The following CLIP1 variants were observed in gnomAD, a reference collection of about 807,000 sequenced individuals.
The protein encoded by CLIP1 is CAP-Gly domain-containing linker protein 1.
Under a neutral mutation model 161.6 loss-of-function variants are expected in CLIP1, and 66 were observed. That is an observed-to-expected ratio of 0.41 (90% CI 0.33 to 0.50). CLIP1 has a LOEUF of 0.50. Ranked by LOEUF, CLIP1 falls within the 20% of genes least tolerant of loss-of-function variation. The pLI, the probability that CLIP1 is intolerant of heterozygous loss-of-function variation, is 0.27. For synonymous variants in CLIP1, 598 were observed against 626.2 expected (o/e 0.96, Z 0.67); for missense variants, 1,376 against 1,702.0 (o/e 0.81, Z 3.37).
chr12:122,310,902 T>C (rs1951039302), intron 19 of CLIP1, among the ~76,000 whole-genome samples: 1 of 152,180 alleles, frequency 6.6e-6, no homozygotes, highest in Non-Finnish European at 1.5e-5. Context: ...AATTTTTAAT[T>C]CTCCATCCAC....
chr12:122,282,284 T>C (rs749770173), intron 21 of CLIP1, among the ~76,000 whole-genome samples: 10 of 152,138 alleles, frequency 6.6e-5, no homozygotes, highest in African/African-American at 1.4e-4. Flanking sequence ...CATTAAACCA[T>C]TGTCTATGCC....
chr12:122,352,574 C>T (rs561052743), intron 8 of CLIP1, 152 bp downstream of exon 8: 7 of 666,428 alleles, frequency 1.1e-5, no homozygotes, highest in East Asian at 5.4e-5. Context: ...GCTCAAGTAC[C>T]GGCACCGTCA....
At chr12:122,331,765 C>T (rs1007195233) in intron 15 of CLIP1, among the ~76,000 whole-genome samples, 1 of 151,634 alleles carries the variant, frequency 6.6e-6, no homozygotes. Flanking sequence ...GCGGCCAAGG[C>T]GGCCAGATCG....
chr12:122,386,552 C>G (rs1206590117), intron 1 of CLIP1, among the ~76,000 whole-genome samples: 1 of 152,092 alleles, frequency 6.6e-6, no homozygotes, highest in Non-Finnish European at 1.5e-5. Context: ...AAATTCTATG[C>G]TCAGATTACA....
chr12:122,275,077 C>A (rs1955352026), intron 24 of CLIP1: 1 of 151,930 alleles, frequency 6.6e-6, no homozygotes, highest in African/African-American at 2.4e-5. Context: ...GACTCAAACT[C>A]CTGACCTCGT....
intron 1 of CLIP1, among the ~76,000 whole-genome samples, chr12:122,381,925 A>T (rs1955026942): frequency 6.6e-6 from 1 of 152,216 alleles, no homozygotes; most frequent in African/African-American, 2.4e-5. Context: ...AATGAAAAGC[A>T]TCCCTATAAG....
intron 1 of CLIP1, among the ~76,000 whole-genome samples, chr12:122,388,072 C>T (rs1276617912): frequency 2.6e-5 from 4 of 152,138 alleles, no homozygotes; most frequent in Non-Finnish European, 5.9e-5. Context: ...GTCAACTATA[C>T]ATAAAACATG....
intron 15 of CLIP1, among the ~76,000 whole-genome samples, chr12:122,329,455 C>G (rs968346121): frequency 6.6e-6 from 1 of 151,762 alleles, no homozygotes; most frequent in Non-Finnish European, 1.5e-5. Context: ...ACAGTGAAAC[C>G]CTCTCTCTAA....
At chr12:122,370,086 C>T (rs1954363788) in intron 3 of CLIP1, among the ~76,000 whole-genome samples, 1 of 151,448 alleles carries the variant, frequency 6.6e-6, no homozygotes, top group Non-Finnish European at 1.5e-5. Flanking sequence ...TTGCTTGAGC[C>T]CTGTAGGCAG....
intron 3 of CLIP1, among the ~76,000 whole-genome samples, chr12:122,368,527 G>A (rs1459791596): frequency 1.3e-5 from 2 of 152,128 alleles, no homozygotes; most frequent in Non-Finnish European, 2.9e-5. Context: ...GTGCCTGAGT[G>A]CATAAAGCTA....
intron 21 of CLIP1, among the ~76,000 whole-genome samples, chr12:122,283,444 TTTTC>T (rs1316528932): frequency 2.6e-4 from 40 of 151,648 alleles, no homozygotes; most frequent in African/African-American, 4.4e-4. Flanking sequence ...ATTCCTTTCT[TTTTC>T]TTTCTTTCTT....
At chr12:122,387,586 ATATATTTTTTTTTT>A (rs1955376404) in intron 1 of CLIP1, among the ~76,000 whole-genome samples, 1 of 3,548 alleles carries the variant, frequency 2.8e-4, no homozygotes, top group African/African-American at 5.5e-4. Flanking sequence ...ATATATATAT[ATATATTTTTTTTTT>A]TTTTTTTTTT....
At chr12:122,334,570 G>T in intron 13 of CLIP1, 78 bp downstream of exon 13, 1 of 950,854 alleles carries the variant, frequency 1.1e-6, no homozygotes, top group Middle Eastern at 2.1e-4. Context: ...GTGTAACTCT[G>T]TGCACTCCAC....
intron 1 of CLIP1, among the ~76,000 whole-genome samples, chr12:122,421,172 T>C (rs1024270845): frequency 6.6e-6 from 1 of 150,796 alleles, no homozygotes; most frequent in African/African-American, 2.4e-5. Flanking sequence ...GCTCACTGGG[T>C]TAGGGTTGAT....
At chr12:122,422,317 A>G (rs1956978454) in intron 1 of CLIP1, among the ~76,000 whole-genome samples, 1 of 151,126 alleles carries the variant, frequency 6.6e-6, no homozygotes, top group Non-Finnish European at 1.5e-5. Context: ...GGAGCCCCCC[A>G]GGGACCCCCG....
chr12:122,328,594 TGTTTTG>T (rs977744115), intron 15 of CLIP1, among the ~76,000 whole-genome samples, 168 bp from the exon 16 acceptor site: 39 of 150,194 alleles, frequency 2.6e-4, no homozygotes, highest in East Asian at 7.8e-4. Context: ...TGTTTTGTTT[TGTTTTG>T]GGGGGGCGGA....
chr12:122,372,889 T>C (rs920021691), intron 3 of CLIP1, among the ~76,000 whole-genome samples: 1 of 152,038 alleles, frequency 6.6e-6, no homozygotes, highest in South Asian at 2.1e-4. Flanking sequence ...ATTCCCCAAG[T>C]AGACAATGAA....
rs1173548915 is a variant in CLIP1, at chr12:122,355,772, G to C, written c.1006-460C>G. 6.3e-6 allele frequency: 1 copy of C among 158,058 alleles called. No individual in the cohort carries two copies. Among genetic ancestry groups the C allele is most frequent in the African/African-American group, 2.4e-5 (1 of 41,478 alleles). The allele number at this position is 158,058 out of a possible 1,614,324, so 9.8% of individuals were successfully genotyped here. Reference sequence around the variant, plus strand: ...GGGATCACAGGCGTGCACCACTACCGCCCAGCTAATTTTTATATTTTTAGT... The same window carrying C: ...GGGATCACAGGCGTGCACCACTACCCCCCAGCTAATTTTTATATTTTTAGT... On this transcript the variant is annotated intron_variant, in intron 5 of 25. Coordinates refer to ENST00000620786, the MANE Select transcript of CLIP1 (RefSeq NM_001247997.2). The surrounding 1 kb of genome is among the most constrained non-coding windows in gnomAD (Gnocchi z 4.1).
intron 15 of CLIP1, among the ~76,000 whole-genome samples, chr12:122,330,521 C>G (rs1238072795): frequency 2.7e-5 from 4 of 149,744 alleles, no homozygotes; most frequent in Non-Finnish European, 5.9e-5. Flanking sequence ...AAGATCAAAG[C>G]AACAAGAATT....
Sources: allele counts gnomAD v4.1 joint callset (sites outside exome capture counted in the v4.1 genomes callset), GRCh38; gene constraint gnomAD v4.1.1; non-coding constraint Gnocchi (gnomAD v3.1); transcripts MANE v1.5; gene names NCBI Gene and HGNC (gene_info 2026-07-23, HGNC 2026-07-21).